The following NFIA variants were observed in gnomAD, a reference collection of about 807,000 sequenced individuals.
NFIA encodes nuclear factor 1 A-type.
Under a neutral mutation model 62.8 loss-of-function variants are expected in NFIA, and 8 were observed. The ratio of observed to expected loss-of-function variants is 0.13; its 90% CI spans 0.07 to 0.23. NFIA has a LOEUF of 0.23. NFIA is among the 10% of genes least tolerant of loss of function. NFIA has a pLI of 1.00. For missense variants in NFIA, 410 were observed against 642.1 expected (o/e 0.64, Z 3.91); for synonymous variants, 235 against 238.1 (o/e 0.99, Z 0.12).
At chr1:61,377,565 A>G (rs1424588288) in intron 6 of NFIA, among the ~76,000 whole-genome samples, 1 of 152,212 alleles carries the variant, frequency 6.6e-6, no homozygotes, top group Non-Finnish European at 1.5e-5. Flanking sequence ...GGTCCTCTCT[A>G]ACCTGCTTAT....
chr1:61,390,789 C>T (rs1187409685), intron 7 of NFIA, among the ~76,000 whole-genome samples: 1 of 152,090 alleles, frequency 6.6e-6, no homozygotes, highest in Non-Finnish European at 1.5e-5. Context: ...AGGGCAAGGA[C>T]CACACCTTTA....
At chr1:61,237,552 CAAAT>C (rs1364237262) in intron 2 of NFIA, among the ~76,000 whole-genome samples, 9 of 152,156 alleles carry the variant, frequency 5.9e-5, no homozygotes, top group Admixed American at 2.0e-4. Context: ...AGTAAACAAA[CAAAT>C]AAAACCCATT....
chr1:61,215,958 T>G (rs750731063), intron 2 of NFIA, among the ~76,000 whole-genome samples: 1 of 152,234 alleles, frequency 6.6e-6, no homozygotes, highest in Non-Finnish European at 1.5e-5. Flanking sequence ...CTTGAAATGC[T>G]TGATGGCTTA....
chr1:61,354,045 G>T lies in NFIA; in HGVS notation c.818+1478G>T, dbSNP rs564763438. On this transcript the variant is annotated intron_variant, in intron 5 of 10. Coordinates refer to ENST00000403491, the MANE Select transcript of NFIA (RefSeq NM_001134673.4). The stretch of plus-strand genomic sequence containing the variant: ...GCTGTTTGTTTTTCATGTGTGTGCT[G>T]TATGTGTACCATGTACCTCCCAAAC... 5.3e-5 allele frequency among the ~76,000 whole-genome samples: 8 copies of T among 152,284 alleles called. No homozygotes were observed. The East Asian group carries it at 1.5e-3, about 29-fold the overall frequency.
rs151164857 is a variant in NFIA, at chr1:61,382,783, T to G, written c.947-454T>G. Reference sequence around the variant, plus strand: ...AACTAAGTTGCCATTGTTGAGGGTATTCTTATGTTAAAACAGCCAAATTAT... The same window carrying G: ...AACTAAGTTGCCATTGTTGAGGGTAGTCTTATGTTAAAACAGCCAAATTAT... On this transcript the variant is annotated intron_variant, in intron 6 of 10. Transcript: ENST00000403491. Among the ~76,000 whole-genome samples, 534 of 152,344 alleles carry G rather than the reference T, an allele frequency of 3.5e-3. 2 individuals are homozygous for G. Among genetic ancestry groups the G allele is most frequent in the African/African-American group, 0.012 (509 of 41,588 alleles).
chr1:61,440,855 G>GATGCCAGTATTTTTCAAA (rs1474753615), intron 10 of NFIA, among the ~76,000 whole-genome samples: 1 of 152,098 alleles, frequency 6.6e-6, no homozygotes, highest in African/African-American at 2.4e-5. Flanking sequence ...TCCATTTTAA[G>GATGCCAGTATTTTTCAAA]ATGCCAGTAT....
chr1:61,412,751 T>C (rs1261148768), intron 9 of NFIA, among the ~76,000 whole-genome samples: 1 of 152,214 alleles, frequency 6.6e-6, no homozygotes. Flanking sequence ...GAGAAGGGAC[T>C]CCTTTTTGAA....
chr1:61,442,927 A>G (rs1357047070), intron 10 of NFIA, among the ~76,000 whole-genome samples: 1 of 152,188 alleles, frequency 6.6e-6, no homozygotes, highest in Non-Finnish European at 1.5e-5. Context: ...CGTCATCTAA[A>G]TGGATTCCGC....
rs148065889 is a variant in NFIA at position 61,423,857 on chromosome 1, CCTTT to C, written c.1421-2607_1421-2604del. Among the ~76,000 whole-genome samples the C allele has an allele frequency of 3.9e-3, 587 of 152,222 alleles. 5 individuals are homozygous for C. Among genetic ancestry groups the C allele is most frequent in the Non-Finnish European group, 6.4e-3 (433 of 68,000 alleles). On this transcript the variant is annotated intron_variant, in intron 9 of 10. Transcript: ENST00000403491. ...ATGAGTCAGAATTTCTTTCTTCCTT[CCTTT>C]ATTTTCCCTGTGTCCTTTTCCCAGA... is the stretch of plus-strand genomic sequence containing the variant.
intron 7 of NFIA, among the ~76,000 whole-genome samples, chr1:61,384,917 G>A (rs1569706905): frequency 6.6e-6 from 1 of 152,044 alleles, no homozygotes; most frequent in Admixed American, 6.6e-5. Context: ...CAGAAGAGAG[G>A]CACACAAGGA....
At chr1:61,390,068 GTTGCACTGC>G (rs1664892981) in intron 7 of NFIA, among the ~76,000 whole-genome samples, 1 of 152,192 alleles carries the variant, frequency 6.6e-6, no homozygotes, top group East Asian at 1.9e-4. Flanking sequence ...GAAACCAGCA[GTTGCACTGC>G]TGTGCTAGAA....
chr1:61,323,961 A>G (rs1028340246), intron 3 of NFIA, among the ~76,000 whole-genome samples: 2 of 152,162 alleles, frequency 1.3e-5, no homozygotes, highest in African/African-American at 4.8e-5. Flanking sequence ...CTGTCCAGTC[A>G]GGTAGAAAGA....
At chr1:61,100,230 A>T (rs895854908) in intron 2 of NFIA, among the ~76,000 whole-genome samples, 2 of 152,180 alleles carry the variant, frequency 1.3e-5, no homozygotes, top group African/African-American at 4.8e-5. Context: ...TGCATCTCGG[A>T]AACTATGGAG....
intron 2 of NFIA, among the ~76,000 whole-genome samples, chr1:61,133,681 T>C (rs1224937200): frequency 1.3e-5 from 2 of 152,234 alleles, no homozygotes; most frequent in Non-Finnish European, 2.9e-5. Context: ...ATAACTTCTT[T>C]GCTCCTCTGT....
At chr1:61,356,172 G>A (rs947689741) in intron 5 of NFIA, among the ~76,000 whole-genome samples, 6 of 152,168 alleles carry the variant, frequency 3.9e-5, no homozygotes, top group African/African-American at 1.4e-4. Context: ...CAATTCAGCA[G>A]TTTTTTAGTA....
chr1:61,094,599 C>T (rs945723599), intron 2 of NFIA, among the ~76,000 whole-genome samples: 2 of 152,158 alleles, frequency 1.3e-5, no homozygotes, highest in Non-Finnish European at 2.9e-5. Context: ...ATTCTTTTTA[C>T]TATTTTGCTT....
At chr1:61,449,597 G>A (rs1667972093) in intron 10 of NFIA, among the ~76,000 whole-genome samples, 1 of 152,196 alleles carries the variant, frequency 6.6e-6, no homozygotes, top group Non-Finnish European at 1.5e-5. Flanking sequence ...CAGGGAGAAA[G>A]CATTTGGCTT....
chr1:61,406,543 G>GGGGGGGGGGCCCCCCCCCCC lies in NFIA; in HGVS notation c.1255-19_1255-18insGGGGGGGGGCCCCCCCCCCC. ...TCTTTTTCTTGTACGTGTGTTTTCT[G>GGGGGGGGGGCCCCCCCCCCC]CCCCCCCCCCCCCCACAGCCCAATG... is the stretch of plus-strand genomic sequence containing the variant. On this transcript the variant is annotated intron_variant, in intron 8 of 10. Coordinates refer to ENST00000403491, the MANE Select transcript of NFIA (RefSeq NM_001134673.4). 1.1e-6 allele frequency: 1 copy of GGGGGGGGGGCCCCCCCCCCC among 876,654 alleles called. No individual in the cohort carries two copies. The highest frequency in any genetic ancestry group is 1.5e-6 in the Non-Finnish European group (1 of 653,744). The allele number at this position is 876,654 out of a possible 1,614,324, so 54.3% of individuals were successfully genotyped here. A position where few individuals can be genotyped will look rare whatever the true frequency, so the allele number is the denominator to read the frequency against.
intron 3 of NFIA, among the ~76,000 whole-genome samples, chr1:61,291,810 A>G (rs535890486): frequency 1.3e-5 from 2 of 152,218 alleles, no homozygotes; most frequent in African/African-American, 4.8e-5. Flanking sequence ...AGGGAATAAC[A>G]ATGGCATATG....
Sources: allele counts gnomAD v4.1 joint callset (sites outside exome capture counted in the v4.1 genomes callset), GRCh38; gene constraint gnomAD v4.1.1; transcripts MANE v1.5; gene names NCBI Gene and HGNC (gene_info 2026-07-23, HGNC 2026-07-21).